Variants in ANKRD36 observed in about 807,000 individuals in gnomAD.
ANKRD36 encodes ankyrin repeat domain 36.
ANKRD36 carries 179 observed loss-of-function variants against 278.1 expected under a neutral mutation model. That is an observed-to-expected ratio of 0.64 (90% CI 0.57 to 0.73). The LOEUF (loss-of-function observed/expected upper bound fraction) is 0.73. Among genes scored for constraint, ANKRD36 ranks in the 30% least tolerant of loss-of-function variants. ANKRD36 has a pLI of 0.00. For missense variants in ANKRD36, 1,159 were observed against 1,956.7 expected, an observed-to-expected ratio of 0.59 and a Z score of 7.69; for synonymous variants, 320 against 641.1, an observed-to-expected ratio of 0.50 and a Z score of 7.57.
chr2:97,259,171 TG>T (rs1311366267), intron 75 of ANKRD36, among the ~76,000 whole-genome samples: 1 of 115,934 alleles, frequency 8.6e-6, no homozygotes, highest in Non-Finnish European at 1.7e-5. Flanking sequence ...ATTTTTAGTT[TG>T]TTGTATTCTC....
chr2:97,192,147 A>G (rs1225176514), intron 36 of ANKRD36, among the ~76,000 whole-genome samples: 1 of 151,746 alleles, frequency 6.6e-6, no homozygotes, highest in African/African-American at 2.4e-5. Flanking sequence ...GAATATGTCA[A>G]AATTGATAAT....
intron 11 of ANKRD36, among the ~76,000 whole-genome samples, chr2:97,146,767 G>C (rs35965387): frequency 0.59 from 88,838 of 150,938 alleles, 30,427 homozygotes; most frequent in Non-Finnish European, 0.78. Context: ...GTAGCCAACC[G>C]ATGATTTGAC....
intron 56 of ANKRD36, among the ~76,000 whole-genome samples, chr2:97,210,541 G>T (rs2064173362): frequency 6.6e-6 from 1 of 151,818 alleles, no homozygotes; most frequent in Non-Finnish European, 1.5e-5. Context: ...TTACTAGGAG[G>T]CGTCAGAGAT....
intron 67 of ANKRD36, among the ~76,000 whole-genome samples, chr2:97,227,178 T>C (rs1233804227): frequency 6.6e-6 from 1 of 152,118 alleles, no homozygotes; most frequent in Non-Finnish European, 1.5e-5. Context: ...CTTTGGGAGC[T>C]TGATGGTGAT....
intron 28 of ANKRD36, among the ~76,000 whole-genome samples, chr2:97,184,709 C>G (rs916135095): frequency 6.6e-6 from 1 of 151,590 alleles, no homozygotes; most frequent in Non-Finnish European, 1.5e-5. Flanking sequence ...CTAGAGGATA[C>G]AAGAAATGTA....
intron 1 of ANKRD36, among the ~76,000 whole-genome samples, chr2:97,114,278 C>G (rs1474756642): frequency 9.6e-6 from 1 of 103,900 alleles, no homozygotes; most frequent in Non-Finnish European, 1.9e-5. Context: ...GGATAGAGGA[C>G]TGGAGGTGGG....
At chr2:97,130,551 C>G (rs2039872248) in intron 6 of ANKRD36, among the ~76,000 whole-genome samples, 1 of 149,876 alleles carries the variant, frequency 6.7e-6, no homozygotes, top group South Asian at 2.1e-4. Flanking sequence ...ACATATGTAA[C>G]AAACCTGCAC....
Position 97,198,577 on chromosome 2 carries a change from T to C in ANKRD36, c.2683-9T>C. The C allele has an allele frequency of 6.5e-7, 1 of 1,549,978 alleles. No homozygotes were observed. Among genetic ancestry groups the C allele is most frequent in the African/African-American group, 1.4e-5 (1 of 72,954 alleles). ...ATTAATTTATTATTTCATTTCAAATTCCATTCAGGCTTCAAGTGCCGAGAA... is the reference window on the plus strand; with the variant it reads ...ATTAATTTATTATTTCATTTCAAATCCCATTCAGGCTTCAAGTGCCGAGAA... On this transcript the variant is annotated splice_polypyrimidine_tract_variant and intron_variant, in intron 43 of 75. Coordinates refer to ENST00000420699, the MANE Select transcript of ANKRD36 (RefSeq NM_001354587.1).
chr2:97,179,508 C>T (rs201050919), intron 22 of ANKRD36, among the ~76,000 whole-genome samples: 1 of 151,522 alleles, frequency 6.6e-6, no homozygotes, highest in Non-Finnish European at 1.5e-5. Context: ...TGGAGAAAGT[C>T]ATATCACATA....
intron 22 of ANKRD36, among the ~76,000 whole-genome samples, chr2:97,169,466 G>A (rs1183352409): frequency 2.2e-3 from 291 of 130,860 alleles, no homozygotes; most frequent in South Asian, 6.9e-3. Flanking sequence ...AAAAAATAAA[G>A]GGTATTCAAA....
intron 62 of ANKRD36, chr2:97,215,708 A>C (rs2065751497): frequency 1.4e-6 from 2 of 1,392,162 alleles, no homozygotes; most frequent in Admixed American, 4.0e-5. Context: ...CCTACATTGA[A>C]ATTGGGAAGA....
At chr2:97,152,912 T>C (rs2046435665) in intron 14 of ANKRD36, among the ~76,000 whole-genome samples, 1 of 150,388 alleles carries the variant, frequency 6.6e-6, no homozygotes, top group Non-Finnish European at 1.5e-5. Context: ...TTTTGTTATA[T>C]ATTAACTGTC....
intron 24 of ANKRD36, 85 bp downstream of exon 24, chr2:97,180,018 A>C: frequency 2.5e-6 from 4 of 1,579,188 alleles, no homozygotes; most frequent in Non-Finnish European, 2.6e-6. Flanking sequence ...TGGGGAGTCC[A>C]TCTAAGCTGC....
intron 30 of ANKRD36, among the ~76,000 whole-genome samples, chr2:97,186,509 G>A (rs1157559459): frequency 6.7e-6 from 1 of 150,294 alleles, no homozygotes; most frequent in Non-Finnish European, 1.5e-5. Flanking sequence ...GCTTTTTATT[G>A]AGGTTTATAT....
chr2:97,190,972 T>A lies in ANKRD36; in HGVS notation c.2246-6T>A, dbSNP rs1236489768. The A allele has an allele frequency of 2.5e-6, 4 of 1,604,198 alleles. No homozygotes were observed. Among genetic ancestry groups the A allele is most frequent in the Middle Eastern group, 2.3e-4 (1 of 4,384 alleles). ...GAGTGATTATGTATCCCTTTTTGCT[T>A]TTCAGTGTCTTCTCAGAAACAACCA... is the stretch of plus-strand genomic sequence containing the variant. On this transcript the variant is annotated splice_polypyrimidine_tract_variant and splice_region_variant and intron_variant, in intron 34 of 75. Transcript: ENST00000420699.
chr2:97,205,907 T>A, intron 50 of ANKRD36, 33 bp from the exon 51 acceptor site: 1 of 1,535,232 alleles, frequency 6.5e-7, no homozygotes, highest in South Asian at 1.2e-5. Context: ...CATATTTACA[T>A]ATGACTGATT....
At position 97,149,290 on chromosome 2, in the gene ANKRD36, T is replaced by A; in HGVS notation, c.1035-5T>A. On this transcript the variant is annotated splice_region_variant and splice_polypyrimidine_tract_variant and intron_variant, in intron 11 of 75. Transcript: ENST00000420699. ...TCATTTTTGTAATATCTTTTTGCTC[T>A]GTAGGAGTCTCTACAGACCTGATGC... 6.5e-7 allele frequency: 1 copy of A among 1,533,460 alleles called. No individual in the cohort carries two copies. The allele number at this position is 1,533,460 out of a possible 1,614,324, so 95.0% of individuals were successfully genotyped here.
intron 52 of ANKRD36, among the ~76,000 whole-genome samples, chr2:97,206,454 AAG>A (rs1357086991): frequency 4.0e-5 from 6 of 151,434 alleles, no homozygotes; most frequent in Non-Finnish European, 5.9e-5. Context: ...TGGAAGGAGA[AAG>A]AGAGGAAGTA....
chr2:97,174,396 G>A (rs1252888490), intron 22 of ANKRD36, among the ~76,000 whole-genome samples: 3 of 151,492 alleles, frequency 2.0e-5, no homozygotes, highest in Non-Finnish European at 4.4e-5. Context: ...ATAGAATTGG[G>A]ATAAACCACA....
Sources: gnomAD v4.1 joint callset for allele counts (sites outside exome capture counted in the v4.1 genomes callset) on GRCh38, gnomAD v4.1.1 for gene constraint, MANE v1.5 for transcripts, NCBI Gene and HGNC (gene_info 2026-07-23, HGNC 2026-07-21) for gene names.